Variants in MAJIN observed in about 807,000 individuals in gnomAD.
MAJIN encodes the protein membrane-anchored junction protein.
A neutral mutation model predicts 30.2 loss-of-function variants in MAJIN; 27 were observed. The ratio of observed to expected loss-of-function variants is 0.89; its 90% CI spans 0.66 to 1.23. MAJIN has a LOEUF of 1.23. Among genes scored for constraint, MAJIN ranks in the 50% most tolerant of loss-of-function variants. The pLI, the probability that MAJIN is intolerant of heterozygous loss-of-function variation, is 0.00. For missense variants in MAJIN, 253 were observed against 260.3 expected (o/e 0.97, Z 0.19); for synonymous variants, 78 against 91.6 (o/e 0.85, Z 0.85).
chr11:64,939,813 C>A, intron 9 of MAJIN, 46 bp from the exon 10 acceptor site: 1 of 1,578,826 alleles, frequency 6.3e-7, no homozygotes, highest in Non-Finnish European at 8.7e-7. Context: ...TGTCCATAGG[C>A]CGTTTTCATG....
At chr11:64,952,483 C>G (rs12272785) in intron 4 of MAJIN, among the ~76,000 whole-genome samples, 3 of 152,018 alleles carry the variant, frequency 2.0e-5, no homozygotes, top group Non-Finnish European at 2.9e-5. Context: ...CCACAGAGCC[C>G]GGCTGTGTTT....
intron 4 of MAJIN, among the ~76,000 whole-genome samples, chr11:64,952,587 G>A (rs553441211): frequency 6.6e-6 from 1 of 152,290 alleles, no homozygotes; most frequent in Admixed American, 6.5e-5. Context: ...AAAGAGAGGT[G>A]AAAAAATGTA....
intron 1 of MAJIN, among the ~76,000 whole-genome samples, chr11:64,970,922 T>C (rs1945889875): frequency 6.6e-6 from 1 of 152,162 alleles, no homozygotes; most frequent in African/African-American, 2.4e-5. Flanking sequence ...CTTGTTTTCA[T>C]GGCAACAGCT....
intron 1 of MAJIN, among the ~76,000 whole-genome samples, chr11:64,965,955 C>CAA (rs1299713572): frequency 1.4e-4 from 12 of 83,466 alleles, no homozygotes; most frequent in East Asian, 6.9e-4. Context: ...GACTCTGTCT[C>CAA]AAAAAAAAAA....
In MAJIN at chr11:64,938,565, AAG is replaced by A; in HGVS notation, c.*8_*9del. 1 of 1,535,826 alleles carries A rather than the reference AAG, an allele frequency of 6.5e-7. No individual in the cohort carries two copies. On this transcript the variant is annotated 3_prime_UTR_variant, in exon 11 of 11. Transcript: ENST00000301896. ...CTTCCTGAAGAAATATCGAAACGGG[AAG>A]AGAGAGCTGCAAGAATGAGAACAGA... is the stretch of plus-strand genomic sequence containing the variant.
rs752600860 is a variant in MAJIN at position 64,947,459 on chromosome 11, C to T, written c.388G>A (p.Val130Ile). Reference sequence around the variant, plus strand: ...ACAGCTCCTACTGCTTTCTTCTCAACTGGGACCTTCAGGAGGAAGCAGATG... The same window carrying T: ...ACAGCTCCTACTGCTTTCTTCTCAATTGGGACCTTCAGGAGGAAGCAGATG... The part of the protein sequence containing the change: ...ISDSPLGLVP[V>I]EKKAVGAVMR... The change falls in exon 8 of 11, where the codon GTT (valine) becomes ATT (isoleucine). Residue 130 changes from valine to isoleucine, a missense_variant. Coordinates refer to ENST00000301896, the MANE Select transcript of MAJIN (RefSeq NM_001037225.3). 10 of 1,613,708 alleles carry T rather than the reference C, an allele frequency of 6.2e-6. No homozygotes were observed. In the South Asian group the frequency reaches 1.1e-4, roughly 18 times the overall value.
At chr11:64,954,412 G>A in intron 4 of MAJIN, 1 of 416,552 alleles carries the variant, frequency 2.4e-6, no homozygotes, top group South Asian at 2.2e-5. Context: ...CCAGGCAGTG[G>A]TTGGGATGGT....
chr11:64,969,472 A>G (rs1179555697), intron 1 of MAJIN, among the ~76,000 whole-genome samples: 1 of 151,338 alleles, frequency 6.6e-6, no homozygotes, highest in Non-Finnish European at 1.5e-5. Context: ...AAAAAACGAC[A>G]TGACCAGATG....
chr11:64,969,735 G>C (rs952360157), intron 1 of MAJIN, among the ~76,000 whole-genome samples: 9 of 151,806 alleles, frequency 5.9e-5, no homozygotes, highest in Non-Finnish European at 1.2e-4. Flanking sequence ...CTGTTGCCCA[G>C]GCTGGAGTGC....
rs538899473 is a variant in MAJIN at position 64,962,642 on chromosome 11, C to A, written c.-64-2507G>T. Among the ~76,000 whole-genome samples the A allele has an allele frequency of 1.4e-4, 21 of 152,274 alleles. No homozygotes were observed. The South Asian group carries it at 4.3e-3, about 32-fold the overall frequency. ...GCTTCTGCCTCTATTAGTCATTAGT[C>A]CCTGAGCAAGTCACTTAACTTCTTC... On this transcript the variant is annotated intron_variant, in intron 1 of 10. Transcript: ENST00000301896.
intron 1 of MAJIN, among the ~76,000 whole-genome samples, chr11:64,971,149 C>T (rs1042185442): frequency 6.6e-6 from 1 of 152,020 alleles, no homozygotes; most frequent in South Asian, 2.1e-4. Flanking sequence ...CAAAATTAGC[C>T]GGGTATGGTG....
At chr11:64,955,827 C>T (rs929282042) in intron 3 of MAJIN, among the ~76,000 whole-genome samples, 12 of 152,126 alleles carry the variant, frequency 7.9e-5, no homozygotes, top group African/African-American at 2.9e-4. Flanking sequence ...ATTCAGTGAA[C>T]CAAAATATTC....
At chr11:64,943,884 A>T (rs1021027691) in intron 8 of MAJIN, among the ~76,000 whole-genome samples, 1 of 152,178 alleles carries the variant, frequency 6.6e-6, no homozygotes, top group African/African-American at 2.4e-5. Flanking sequence ...GTACTTTCTC[A>T]TTTCTTTTTC....
chr11:64,967,433 A>AAAAAG (rs1248846307), intron 1 of MAJIN, among the ~76,000 whole-genome samples: 4 of 152,120 alleles, frequency 2.6e-5, no homozygotes, highest in Non-Finnish European at 4.4e-5. Context: ...AAAGAAAAAG[A>AAAAAG]AAAAGAAAAG....
chr11:64,965,666 A>C (rs1945794665), intron 1 of MAJIN, among the ~76,000 whole-genome samples: 1 of 152,086 alleles, frequency 6.6e-6, no homozygotes. Context: ...CTTAGAATTC[A>C]CATCATGCGG....
At chr11:64,944,563 A>G (rs1347619670) in intron 8 of MAJIN, among the ~76,000 whole-genome samples, 1 of 152,192 alleles carries the variant, frequency 6.6e-6, no homozygotes, top group Non-Finnish European at 1.5e-5. Flanking sequence ...AGAGGCTGAA[A>G]TGAGAGGATC....
chr11:64,945,161 T>A (rs1945432638), intron 8 of MAJIN, among the ~76,000 whole-genome samples: 1 of 151,946 alleles, frequency 6.6e-6, no homozygotes, highest in South Asian at 2.1e-4. Flanking sequence ...ATCGAGACCA[T>A]CCTGGCTAAC....
At chr11:64,966,944 AAAAG>A (rs1408271794) in intron 1 of MAJIN, among the ~76,000 whole-genome samples, 5 of 151,558 alleles carry the variant, frequency 3.3e-5, no homozygotes, top group Admixed American at 1.3e-4. Context: ...AAAAAAAAAA[AAAAG>A]AAAGAAAAAG....
At chr11:64,959,655 T>A (rs1418586265) in intron 2 of MAJIN, among the ~76,000 whole-genome samples, 6 of 152,178 alleles carry the variant, frequency 3.9e-5, no homozygotes, top group Non-Finnish European at 1.5e-5. Flanking sequence ...TCAAGTTTGA[T>A]CATTTATGAC....
Sources: gnomAD v4.1 joint callset for allele counts (sites outside exome capture counted in the v4.1 genomes callset) on GRCh38, gnomAD v4.1.1 for gene constraint, MANE v1.5 for transcripts, NCBI Gene and HGNC (gene_info 2026-07-23, HGNC 2026-07-21) for gene names.